UBE2E2: variants seen among roughly 807,000 people sequenced by gnomAD.
The protein encoded by UBE2E2 is ubiquitin-conjugating enzyme E2 E2.
In UBE2E2, 6 loss-of-function variants were observed where a neutral mutation model predicts 24.7. That is an observed-to-expected ratio of 0.24 (90% CI 0.13 to 0.48). The LOEUF (loss-of-function observed/expected upper bound fraction) is 0.48, where lower values mean the gene tolerates loss of function less well. Ranked by LOEUF, UBE2E2 falls within the 20% of genes least tolerant of loss-of-function variation. The probability of loss-of-function intolerance (pLI) is 0.99; values close to 1 mark genes in which losing one functional copy is unlikely to be tolerated. For synonymous variants in UBE2E2, 104 were observed against 83.6 expected (o/e 1.24, Z -1.33); for missense variants, 169 against 245.0 (o/e 0.69, Z 2.07).
At chr3:23,574,084 G>A (rs925072952) in intron 5 of UBE2E2, among the ~76,000 whole-genome samples, 2 of 152,156 alleles carry the variant, frequency 1.3e-5, no homozygotes, top group Non-Finnish European at 2.9e-5. Context: ...CATGGACGGA[G>A]CTGGAGGTCA....
chr3:23,332,028 C>T (rs540897559), intron 3 of UBE2E2, among the ~76,000 whole-genome samples: 6 of 151,940 alleles, frequency 3.9e-5, no homozygotes, highest in Admixed American at 2.0e-4. Context: ...TACCTTAATA[C>T]GGATCTGAAA....
chr3:23,272,699 T>C (rs1698278205), intron 3 of UBE2E2, among the ~76,000 whole-genome samples: 1 of 152,102 alleles, frequency 6.6e-6, no homozygotes, highest in Non-Finnish European at 1.5e-5. Flanking sequence ...AGATTGAGTG[T>C]AAGGAATTGG....
chr3:23,436,564 A>ATT (rs35403338), intron 3 of UBE2E2, among the ~76,000 whole-genome samples: 2,718 of 148,866 alleles, frequency 0.018, 83 homozygotes, highest in African/African-American at 0.062. Context: ...TTTACAGAAG[A>ATT]TTTTTTTTTT....
intron 3 of UBE2E2, among the ~76,000 whole-genome samples, chr3:23,254,179 T>C (rs1316565174): frequency 6.6e-6 from 1 of 152,218 alleles, no homozygotes; most frequent in Non-Finnish European, 1.5e-5. Flanking sequence ...TTAAGATGAA[T>C]AACTGGGTCC....
At chr3:23,343,771 T>A (rs996000297) in intron 3 of UBE2E2, among the ~76,000 whole-genome samples, 1 of 152,222 alleles carries the variant, frequency 6.6e-6, no homozygotes, top group Non-Finnish European at 1.5e-5. Flanking sequence ...ACACCATTGA[T>A]AAGTTTTGAC....
chr3:23,587,974 A>T (rs1696664896), intron 5 of UBE2E2, among the ~76,000 whole-genome samples: 1 of 152,246 alleles, frequency 6.6e-6, no homozygotes, highest in South Asian at 2.1e-4. Context: ...ACACAATTCC[A>T]GGAAAACTTA....
chr3:23,580,698 C>A (rs1224385726), intron 5 of UBE2E2, among the ~76,000 whole-genome samples: 2 of 152,106 alleles, frequency 1.3e-5, no homozygotes, highest in East Asian at 3.9e-4. Flanking sequence ...TGCTAGGAAG[C>A]CCCTGGAAGA....
chr3:23,530,617 C>T (rs148068117), intron 4 of UBE2E2, among the ~76,000 whole-genome samples: 99 of 152,252 alleles, frequency 6.5e-4, no homozygotes, highest in Middle Eastern at 3.4e-3. Flanking sequence ...AAAAACATTT[C>T]TCTTCTCATT....
intron 5 of UBE2E2, among the ~76,000 whole-genome samples, chr3:23,561,490 T>A (rs186777283): frequency 2.8e-4 from 42 of 152,332 alleles, no homozygotes; most frequent in African/African-American, 1.0e-3. Context: ...TAGTATAGTT[T>A]GAAGTCAGGT....
intron 2 of UBE2E2, among the ~76,000 whole-genome samples, chr3:23,213,747 A>G (rs953340330): frequency 2.0e-5 from 3 of 152,168 alleles, no homozygotes; most frequent in Admixed American, 2.0e-4. Context: ...AGCGTAAAAT[A>G]ATTAGCCTTA....
At chr3:23,285,383 G>C (rs1432417769) in intron 3 of UBE2E2, among the ~76,000 whole-genome samples, 1 of 152,084 alleles carries the variant, frequency 6.6e-6, no homozygotes, top group Non-Finnish European at 1.5e-5. Context: ...TTTCTTTTGG[G>C]TATACTTAGC....
intron 3 of UBE2E2, among the ~76,000 whole-genome samples, chr3:23,274,633 C>T (rs1347295947): frequency 1.3e-5 from 2 of 152,066 alleles, no homozygotes; most frequent in Non-Finnish European, 2.9e-5. Context: ...TCCCAAAGTG[C>T]TGGGATTACA....
chr3:23,267,733 C>G (rs1698090635), intron 3 of UBE2E2, among the ~76,000 whole-genome samples: 1 of 151,928 alleles, frequency 6.6e-6, no homozygotes, highest in Non-Finnish European at 1.5e-5. Context: ...GATACCAAAG[C>G]CTGGCAGAGA....
rs112494579 is a variant in UBE2E2 at position 23,591,778 on chromosome 3, A to G, written c.*1947A>G. On this transcript the variant is annotated 3_prime_UTR_variant, in exon 6 of 6. Coordinates refer to ENST00000396703, the MANE Select transcript of UBE2E2 (RefSeq NM_152653.4). ...CTTTCTTTAACATAAAATAAATTCA[A>G]TATGGTACAACACTGATTTTTGGAA... 6 of 152,360 alleles carry G rather than the reference A, an allele frequency of 3.9e-5. No individual in the cohort carries two copies. In the East Asian group the frequency reaches 9.6e-4, roughly 24 times the overall value. 9.4% of individuals were successfully genotyped at this position (152,360 alleles called of 1,614,324 possible). A position where few individuals can be genotyped will look rare whatever the true frequency, so the allele number is the denominator to read the frequency against.
At chr3:23,565,606 G>A (rs1696054988) in intron 5 of UBE2E2, among the ~76,000 whole-genome samples, 1 of 151,928 alleles carries the variant, frequency 6.6e-6, no homozygotes, top group South Asian at 2.1e-4. Context: ...CAGAAGGTTG[G>A]GATTTCCACC....
intron 3 of UBE2E2, among the ~76,000 whole-genome samples, chr3:23,495,749 A>G (rs866939404): frequency 2.0e-5 from 3 of 152,256 alleles, no homozygotes; most frequent in Admixed American, 6.5e-5. Context: ...CTTTATTGTC[A>G]TCTGGGCTGA....
chr3:23,521,826 T>A (rs1196358486), intron 4 of UBE2E2, among the ~76,000 whole-genome samples: 1 of 152,156 alleles, frequency 6.6e-6, no homozygotes, highest in Non-Finnish European at 1.5e-5. Context: ...TGGACACCCT[T>A]GCTCCAGAAG....
intron 3 of UBE2E2, among the ~76,000 whole-genome samples, chr3:23,281,479 T>C (rs1698489445): frequency 6.6e-6 from 1 of 151,996 alleles, no homozygotes; most frequent in Non-Finnish European, 1.5e-5. Flanking sequence ...AAAAATAAAA[T>C]AAAATAAATT....
At chr3:23,361,107 G>T (rs560157647) in intron 3 of UBE2E2, among the ~76,000 whole-genome samples, 1 of 152,226 alleles carries the variant, frequency 6.6e-6, no homozygotes, top group Non-Finnish European at 1.5e-5. Flanking sequence ...TCGGGAAAAC[G>T]CAAATTAAAA....
Sources: gnomAD v4.1 joint callset for allele counts (sites outside exome capture counted in the v4.1 genomes callset) on GRCh38, gnomAD v4.1.1 for gene constraint, MANE v1.5 for transcripts, NCBI Gene and HGNC (gene_info 2026-07-23, HGNC 2026-07-21) for gene names.